CALN1: variants seen among roughly 807,000 people sequenced by gnomAD.
CALN1 encodes calcium-binding protein 8.
A neutral mutation model predicts 30.6 loss-of-function variants in CALN1; 17 were observed. The observed-to-expected ratio is 0.56, with a 90% CI of 0.38 to 0.83. The LOEUF (loss-of-function observed/expected upper bound fraction) is 0.83, where lower values mean the gene tolerates loss of function less well. Ranked by LOEUF, CALN1 falls within the 40% of genes least tolerant of loss-of-function variation. The pLI is 0.00. For missense variants in CALN1, 291 were observed against 354.9 expected, an observed-to-expected ratio of 0.82 and a Z score of 1.45; for synonymous variants, 156 against 131.4, an observed-to-expected ratio of 1.19 and a Z score of -1.28.
chr7:72,243,856 T>C (rs573142725), intron 3 of CALN1, among the ~76,000 whole-genome samples: 2 of 152,338 alleles, frequency 1.3e-5, no homozygotes, highest in East Asian at 1.9e-4. Context: ...CTTAGTAAGT[T>C]TGAATGGAAA....
intron 4 of CALN1, among the ~76,000 whole-genome samples, chr7:72,050,936 G>A (rs758075059): frequency 2.0e-5 from 3 of 151,680 alleles, no homozygotes; most frequent in Middle Eastern, 3.2e-3. Flanking sequence ...AGGTTGCAGC[G>A]AGCCACGGTT....
intron 4 of CALN1, among the ~76,000 whole-genome samples, chr7:72,080,721 C>T (rs572457461): frequency 1.3e-5 from 2 of 152,218 alleles, no homozygotes; most frequent in African/African-American, 4.8e-5. Flanking sequence ...GAAGGCACCA[C>T]GCACCCTGTA....
At chr7:72,283,169 C>A (rs376764873) in intron 2 of CALN1, among the ~76,000 whole-genome samples, 13 of 152,104 alleles carry the variant, frequency 8.5e-5, no homozygotes, top group African/African-American at 3.1e-4. Flanking sequence ...GTAAGCCTGT[C>A]TCCTCTTCTG....
At chr7:71,924,174 C>T (rs1584522004) in intron 5 of CALN1, among the ~76,000 whole-genome samples, 1 of 116,700 alleles carries the variant, frequency 8.6e-6, no homozygotes, top group Non-Finnish European at 1.7e-5. Context: ...GCCTAGGCGA[C>T]AAGAGTGAAA....
intron 2 of CALN1, among the ~76,000 whole-genome samples, chr7:72,360,544 G>A (rs921317633): frequency 2.0e-5 from 3 of 151,554 alleles, no homozygotes; most frequent in African/African-American, 4.8e-5. Context: ...TCACCTTGGA[G>A]GGGTGGAATG....
intron 3 of CALN1, among the ~76,000 whole-genome samples, chr7:72,183,599 C>A (rs951780479): frequency 3.3e-5 from 5 of 152,196 alleles, no homozygotes; most frequent in African/African-American, 1.2e-4. Flanking sequence ...AATGCAATTC[C>A]ATTTGCTAAC....
chr7:71,861,999 C>G (rs1037953280), intron 5 of CALN1, among the ~76,000 whole-genome samples: 6 of 152,122 alleles, frequency 3.9e-5, no homozygotes, highest in Admixed American at 3.9e-4. Context: ...AAGGTGCTAG[C>G]TTGTGAGCTG....
chr7:71,886,891 C>G (rs1792943144), intron 5 of CALN1, among the ~76,000 whole-genome samples: 1 of 151,914 alleles, frequency 6.6e-6, no homozygotes. Flanking sequence ...TACTGGGGCA[C>G]AGAGACATGC....
At chr7:72,410,436 A>G (rs1465581466) in intron 1 of CALN1, among the ~76,000 whole-genome samples, 7 of 152,246 alleles carry the variant, frequency 4.6e-5, no homozygotes, top group Admixed American at 3.3e-4. Flanking sequence ...ATCCTTCTAC[A>G]TGATGTAAAA....
At chr7:72,273,911 A>G (rs1797170191) in intron 3 of CALN1, among the ~76,000 whole-genome samples, 1 of 152,204 alleles carries the variant, frequency 6.6e-6, no homozygotes, top group Non-Finnish European at 1.5e-5. Context: ...AAAAAGCAAT[A>G]TAAATTATAC....
intron 3 of CALN1, among the ~76,000 whole-genome samples, chr7:72,246,046 CCTCT>C (rs2129551651): frequency 6.6e-6 from 1 of 152,248 alleles, no homozygotes; most frequent in Non-Finnish European, 1.5e-5. Context: ...TATGGGATTC[CCTCT>C]CTCTTCTCTA....
At chr7:72,414,615 G>A (rs1322702697), upstream of CALN1, among the ~76,000 whole-genome samples, 1 of 152,214 alleles carries the variant, frequency 6.6e-6, no homozygotes. Flanking sequence ...GCAAATGTTT[G>A]AAGGGAGGAT....
At chr7:72,057,800 T>C (rs1185640378) in intron 4 of CALN1, among the ~76,000 whole-genome samples, 1 of 152,136 alleles carries the variant, frequency 6.6e-6, no homozygotes, top group East Asian at 1.9e-4. Context: ...GATCCCCTAT[T>C]TTGGTGTGGT....
At chr7:71,892,666 T>C (rs1385304325) in intron 5 of CALN1, among the ~76,000 whole-genome samples, 6 of 152,198 alleles carry the variant, frequency 3.9e-5, no homozygotes, top group Non-Finnish European at 8.8e-5. Flanking sequence ...TTATAGATAT[T>C]TTTCCTGGTT....
rs188261605 is a variant in CALN1, at chr7:72,373,194, C to T, written c.119+30057G>A. Among the ~76,000 whole-genome samples the T allele has an allele frequency of 1.7e-4, 26 of 152,152 alleles. No homozygotes were observed. The East Asian group carries it at 3.5e-3, about 20-fold the overall frequency. ...TGTGAACATAGACCTATACAAATCA[C>T]GCAATCTGAACAACACAGGAAAAAA... On this transcript the variant is annotated intron_variant, in intron 2 of 6. Transcript: ENST00000395275.
At chr7:72,213,617 A>G (rs1447107716) in intron 3 of CALN1, among the ~76,000 whole-genome samples, 1 of 152,182 alleles carries the variant, frequency 6.6e-6, no homozygotes, top group Non-Finnish European at 1.5e-5. Context: ...AAAGTGTATG[A>G]GCTAATGTTT....
In CALN1 at chr7:71,787,529, C is replaced by T. The variant is rs189711219; in HGVS notation, c.*246G>A. On this transcript the variant is annotated 3_prime_UTR_variant, in exon 7 of 7. Coordinates refer to ENST00000395275, the MANE Select transcript of CALN1 (RefSeq NM_031468.4). ...TGAAGCAATAATTTGGAAATCCTGGCGATTTATTGCATTAGAAAACAAAAC... is the reference window on the plus strand; with the variant it reads ...TGAAGCAATAATTTGGAAATCCTGGTGATTTATTGCATTAGAAAACAAAAC... 4.7e-4 allele frequency: 197 copies of T among 421,534 alleles called. No individual in the cohort carries two copies. The highest frequency in any genetic ancestry group is 6.8e-4 in the Admixed American group (19 of 27,812). 26.1% of individuals were successfully genotyped at this position (421,534 alleles called of 1,614,324 possible). A position where few individuals can be genotyped will look rare whatever the true frequency, so the allele number is the denominator to read the frequency against.
intron 5 of CALN1, among the ~76,000 whole-genome samples, chr7:71,873,526 C>A (rs745329271): frequency 3.3e-5 from 5 of 152,216 alleles, no homozygotes; most frequent in Non-Finnish European, 5.9e-5. Flanking sequence ...TCTCATCTAA[C>A]CCAGTTCTTC....
intron 2 of CALN1, among the ~76,000 whole-genome samples, chr7:72,297,540 G>C (rs1356144823): frequency 1.3e-5 from 2 of 152,146 alleles, no homozygotes; most frequent in African/African-American, 4.8e-5. Flanking sequence ...GATAAAGAAA[G>C]TGGATTTTTT....
Sources: allele counts gnomAD v4.1 joint callset (sites outside exome capture counted in the v4.1 genomes callset), GRCh38; gene constraint gnomAD v4.1.1; transcripts MANE v1.5; gene names NCBI Gene and HGNC (gene_info 2026-07-23, HGNC 2026-07-21).